The following NAV2 variants were observed in gnomAD, a reference collection of about 807,000 sequenced individuals.
The protein encoded by NAV2 is neuron navigator 2.
In NAV2, 54 loss-of-function variants were observed where a neutral mutation model predicts 223.2. The ratio of observed to expected loss-of-function variants is 0.24; its 90% CI spans 0.19 to 0.30. The LOEUF (loss-of-function observed/expected upper bound fraction) is 0.30. NAV2 is among the 10% of genes least tolerant of loss of function. The probability of loss-of-function intolerance (pLI) is 1.00; values close to 1 mark genes in which losing one functional copy is unlikely to be tolerated. For missense variants in NAV2, 2,806 were observed against 3,147.5 expected, an observed-to-expected ratio of 0.89 and a Z score of 2.60; for synonymous variants, 1,279 against 1,239.3, an observed-to-expected ratio of 1.03 and a Z score of -0.67.
intron 1 of NAV2, among the ~76,000 whole-genome samples, chr11:19,779,781 C>T (rs1420861803): frequency 6.6e-6 from 1 of 152,222 alleles, no homozygotes. Context: ...TGTCCCCACT[C>T]TACGTTGTAC....
chr11:19,521,319 A>T (rs11025166), intron 1 of NAV2, among the ~76,000 whole-genome samples: 1 of 152,188 alleles, frequency 6.6e-6, no homozygotes, highest in Non-Finnish European at 1.5e-5. Context: ...ATGGACCCAG[A>T]GGCCAGTCCC....
chr11:20,048,206 A>G (rs2057647111), intron 14 of NAV2, among the ~76,000 whole-genome samples: 1 of 152,198 alleles, frequency 6.6e-6, no homozygotes, highest in African/African-American at 2.4e-5. Context: ...AAATCTCTGA[A>G]GACATTTTTC....
chr11:19,412,304 C>T (rs549331161), intron 1 of NAV2, among the ~76,000 whole-genome samples: 7 of 152,286 alleles, frequency 4.6e-5, no homozygotes, highest in South Asian at 2.1e-4. Flanking sequence ...AATAAAGCCC[C>T]GGGAAGTTCG....
At position 19,948,651 on chromosome 11, in the gene NAV2, T is replaced by G. The variant is rs775939524; in HGVS notation, c.2256-40T>G. 3.3e-6 allele frequency: 5 copies of G among 1,515,868 alleles called. No individual in the cohort carries two copies. In the African/African-American group the frequency reaches 5.6e-5, roughly 17 times the overall value. The allele number at this position is 1,515,868 out of a possible 1,614,324, so 93.9% of individuals were successfully genotyped here. A position where few individuals can be genotyped will look rare whatever the true frequency, so the allele number is the denominator to read the frequency against. ...AGAACATATAAACTGTGAAGGATAC[T>G]AGGTACCTTTGAGTCTAATCAGGTT... On this transcript the variant is annotated intron_variant, in intron 9 of 37. Coordinates refer to ENST00000349880, the MANE Select transcript of NAV2 (RefSeq NM_145117.5).
intron 1 of NAV2, among the ~76,000 whole-genome samples, chr11:19,530,137 G>C (rs2043982810): frequency 6.6e-6 from 1 of 152,146 alleles, no homozygotes; most frequent in South Asian, 2.1e-4. Flanking sequence ...TTGCAGGCAG[G>C]ACCATAGCCT....
intron 1 of NAV2, among the ~76,000 whole-genome samples, chr11:19,805,039 A>G (rs924921903): frequency 6.6e-6 from 1 of 152,186 alleles, no homozygotes; most frequent in Non-Finnish European, 1.5e-5. Flanking sequence ...TTGAAAGTCA[A>G]GTTAAGGAAG....
At chr11:19,585,891 G>A (rs1449081636) in intron 1 of NAV2, among the ~76,000 whole-genome samples, 1 of 152,136 alleles carries the variant, frequency 6.6e-6, no homozygotes, top group Non-Finnish European at 1.5e-5. Flanking sequence ...TATGTTTGTG[G>A]CATTCTCTGT....
intron 1 of NAV2, among the ~76,000 whole-genome samples, chr11:19,687,258 G>T (rs2049049438): frequency 6.6e-6 from 1 of 152,206 alleles, no homozygotes; most frequent in South Asian, 2.1e-4. Flanking sequence ...GCAGCTCTTG[G>T]CTGCATTGAC....
intron 1 of NAV2, among the ~76,000 whole-genome samples, chr11:19,574,489 T>C (rs2045515943): frequency 6.6e-6 from 1 of 152,170 alleles, no homozygotes; most frequent in Admixed American, 6.5e-5. Flanking sequence ...CCCTGGCCTA[T>C]AGGTTTTCCG....
chr11:19,934,117 G>A lies in NAV2; in HGVS notation c.1873G>A (p.Gly625Arg), dbSNP rs1180964517. 1 of 1,614,136 alleles carries A rather than the reference G, an allele frequency of 6.2e-7. No homozygotes were observed. Among genetic ancestry groups the A allele is most frequent in the South Asian group, 1.1e-5 (1 of 91,070 alleles). The part of the protein sequence containing the change: ...SLASSEGKGP[G>R]GTTLNHSISS... Reference sequence around the variant, plus strand: ...GGCGTCCTCAGAAGGAAAAGGCCCAGGAGGGACCACCCTGAACCACAGCAT... The same window carrying A: ...GGCGTCCTCAGAAGGAAAAGGCCCAAGAGGGACCACCCTGAACCACAGCAT... Residue 625 changes from glycine (G) to arginine (R), a missense_variant, in exon 7 of 38, where the codon GGA (glycine) becomes AGA (arginine). Physicochemically the swap from Gly to Arg is moderately radical, Grantham distance 125 (BLOSUM62 -2). Around this residue, in one of 4 missense-constraint regions of NAV2, gnomAD observed 1,167 missense variants for 1,180.5 expected, o/e 0.99. Transcript: ENST00000349880.
chr11:19,824,244 A>G (rs1590743734), intron 1 of NAV2, among the ~76,000 whole-genome samples: 1 of 152,226 alleles, frequency 6.6e-6, no homozygotes, highest in Admixed American at 6.5e-5. Flanking sequence ...ATGACTCCCC[A>G]AGGGTCACCT....
chr11:19,424,837 C>T (rs1396340205), intron 1 of NAV2, among the ~76,000 whole-genome samples: 1 of 152,156 alleles, frequency 6.6e-6, no homozygotes, highest in African/African-American at 2.4e-5. Flanking sequence ...AGGCATAAGC[C>T]ACCGTGCCCG....
intron 5 of NAV2, among the ~76,000 whole-genome samples, chr11:19,882,949 T>C (rs2063307283): frequency 6.6e-6 from 1 of 152,212 alleles, no homozygotes; most frequent in South Asian, 2.1e-4. Context: ...TCTCAAGGTC[T>C]AGGGATATGC....
At chr11:19,938,608 T>A (rs2046128128) in intron 7 of NAV2, among the ~76,000 whole-genome samples, 1 of 152,220 alleles carries the variant, frequency 6.6e-6, no homozygotes, top group Non-Finnish European at 1.5e-5. Context: ...GTTGGGCTGG[T>A]TTCCACACCG....
intron 1 of NAV2, among the ~76,000 whole-genome samples, chr11:19,699,926 A>G (rs1402761399): frequency 1.3e-5 from 2 of 152,086 alleles, no homozygotes; most frequent in Non-Finnish European, 2.9e-5. Flanking sequence ...CAGATCCCTT[A>G]CCCAAGATGC....
chr11:19,918,257 ACT>A (rs201624240), intron 6 of NAV2, among the ~76,000 whole-genome samples: 45 of 152,294 alleles, frequency 3.0e-4, no homozygotes, highest in Non-Finnish European at 5.9e-4. Flanking sequence ...ACAAAATGTG[ACT>A]CTTGCTGGAG....
chr11:19,486,481 G>T (rs538152138), intron 1 of NAV2, among the ~76,000 whole-genome samples: 2 of 152,280 alleles, frequency 1.3e-5, no homozygotes, highest in Non-Finnish European at 2.9e-5. Context: ...AATCACGGGG[G>T]CGGTTACTCT....
chr11:19,822,020 G>T (rs1278143739), intron 1 of NAV2, among the ~76,000 whole-genome samples: 1 of 152,186 alleles, frequency 6.6e-6, no homozygotes, highest in Non-Finnish European at 1.5e-5. Context: ...TGTAAGATGG[G>T]GAAAATAATA....
chr11:19,744,713 T>G (rs1233764780), intron 1 of NAV2, among the ~76,000 whole-genome samples: 1 of 152,174 alleles, frequency 6.6e-6, no homozygotes, highest in Non-Finnish European at 1.5e-5. Flanking sequence ...CAAAAACAAG[T>G]ATATTCAAAT....
Sources: allele counts gnomAD v4.1 joint callset (sites outside exome capture counted in the v4.1 genomes callset), GRCh38; gene constraint gnomAD v4.1.1; regional missense constraint gnomAD v4.1.1; transcripts MANE v1.5; gene names NCBI Gene and HGNC (gene_info 2026-07-23, HGNC 2026-07-21).